Variants in COL4A3 observed in about 807,000 individuals in gnomAD.
COL4A3 encodes collagen type IV alpha 3 chain, also known as collagen alpha-3(IV) chain.
In COL4A3, 135 loss-of-function variants were observed where a neutral mutation model predicts 217.4. That is an observed-to-expected ratio of 0.62 (90% CI 0.54 to 0.72). The LOEUF is 0.72. Ranked by LOEUF, COL4A3 falls within the 30% of genes least tolerant of loss-of-function variation. The pLI, the probability that COL4A3 is intolerant of heterozygous loss-of-function variation, is 0.00. For synonymous variants in COL4A3, 690 were observed against 736.3 expected, an observed-to-expected ratio of 0.94 and a Z score of 1.02; for missense variants, 1,868 against 2,119.9, an observed-to-expected ratio of 0.88 and a Z score of 2.33.
chr2:227,206,033 C>T (rs1459684667), intron 1 of COL4A3, among the ~76,000 whole-genome samples: 1 of 152,052 alleles, frequency 6.6e-6, no homozygotes, highest in African/African-American at 2.4e-5. Flanking sequence ...TTCAACACGT[C>T]TGGGGTGTAG....
At chr2:227,231,032 A>G (rs1410365968) in intron 1 of COL4A3, among the ~76,000 whole-genome samples, 1 of 152,232 alleles carries the variant, frequency 6.6e-6, no homozygotes, top group Admixed American at 6.5e-5. Context: ...ACTGAGAATT[A>G]AAGCTGGAAT....
intron 4 of COL4A3, 127 bp downstream of exon 4, chr2:227,244,491 T>G: frequency 4.4e-6 from 4 of 906,250 alleles, no homozygotes; most frequent in Non-Finnish European, 7.1e-6. Context: ...CAGGTAATAC[T>G]AATCTGTAAT....
At position 227,244,326 on chromosome 2, in the gene COL4A3, C is replaced by A. The variant is rs765487317; in HGVS notation, c.241C>A (p.Pro81Thr). The part of the protein sequence containing the change: ...LPGPQGPKGF[P>T]GLPGLTGSKG... Reference sequence around the variant, plus strand: ...TTTTTTCACTTGAATCTAGGGCTTTCCAGGACTTCCAGGACTCACGGGTTC... The same window carrying A: ...TTTTTTCACTTGAATCTAGGGCTTTACAGGACTTCCAGGACTCACGGGTTC... Residue 81 changes from proline (P) to threonine (T), a missense_variant, in exon 4 of 52, where the codon CCA (proline) becomes ACA (threonine). Around this residue, in one of 2 missense-constraint regions of COL4A3, gnomAD observed 365 missense variants for 333.8 expected, o/e 1.09. Transcript: ENST00000396578. 5.6e-6 allele frequency: 9 copies of A among 1,613,840 alleles called. No individual in the cohort carries two copies. The South Asian group carries it at 9.9e-5, about 18-fold the overall frequency.
intron 34 of COL4A3, among the ~76,000 whole-genome samples, chr2:227,287,817 A>C (rs1054345958): frequency 4.6e-5 from 7 of 152,202 alleles, no homozygotes; most frequent in Non-Finnish European, 1.0e-4. Flanking sequence ...TTCCTGGATG[A>C]TAATTATTTG....
intron 30 of COL4A3, 101 bp from the exon 31 acceptor site, chr2:227,280,791 CT>C: frequency 9.5e-7 from 1 of 1,049,346 alleles, no homozygotes; most frequent in East Asian, 2.6e-5. Context: ...AAATATAGAT[CT>C]GATTTAGGTG....
chr2:227,308,037 C>T, intron 48 of COL4A3, 118 bp downstream of exon 48: 1 of 879,430 alleles, frequency 1.1e-6, no homozygotes, highest in East Asian at 2.6e-5. Flanking sequence ...TCTCCTGATA[C>T]ATTTTAAAGA....
intron 1 of COL4A3, among the ~76,000 whole-genome samples, chr2:227,179,759 T>G (rs1477939488): frequency 6.6e-6 from 1 of 152,242 alleles, no homozygotes; most frequent in Non-Finnish European, 1.5e-5. Flanking sequence ...ATGTGGTCCC[T>G]TCTGTCCTCA....
In COL4A3 at chr2:227,202,897, GTA is replaced by G. The variant is rs1213419075; in HGVS notation, c.88-35065_88-35064del. ...TATATATACATATGTGTATATATGTGTATATATGTGTATATATACATATATGT... is the reference window on the plus strand; with the variant it reads ...TATATATACATATGTGTATATATGTGTATATGTGTATATATACATATATGT... On this transcript the variant is annotated intron_variant, in intron 1 of 51. Coordinates refer to ENST00000396578, the MANE Select transcript of COL4A3 (RefSeq NM_000091.5). 1.5e-4 allele frequency among the ~76,000 whole-genome samples: 5 copies of G among 33,634 alleles called. 2 individuals are homozygous for G. Among genetic ancestry groups the G allele is most frequent in the Non-Finnish European group, 1.9e-4 (4 of 20,532 alleles). The allele number at this position is 33,634 out of a possible 152,430, so 22.1% of individuals were successfully genotyped here.
At chr2:227,286,283 G>A (rs1295285012) in intron 34 of COL4A3, among the ~76,000 whole-genome samples, 1 of 150,754 alleles carries the variant, frequency 6.6e-6, no homozygotes, top group African/African-American at 2.4e-5. Flanking sequence ...CCTGAGGTCA[G>A]GAGTTCGAGA....
Position 227,294,559 on chromosome 2 carries a change from G to C in COL4A3, c.3407G>C (p.Arg1136Thr). The change falls in exon 39 of 52, where the codon AGA becomes ACA. Residue 1136 changes from arginine to threonine, a missense_variant. Transcript: ENST00000396578. ...GGCCTCCTGGGCCCTCCAGGAATCA[G>C]AGGCCCTCCAGGTTTCATTTTTGTA... ...IKGLLGPPGI[R>T]GPPGLPGFPG... 4.3e-6 allele frequency: 7 copies of C among 1,611,416 alleles called. No individual in the cohort carries two copies. Among genetic ancestry groups the C allele is most frequent in the Non-Finnish European group, 5.9e-6 (7 of 1,177,536 alleles).
At position 227,282,356 on chromosome 2, in the gene COL4A3, C is replaced by G; in HGVS notation, c.2489-9C>G. 1.1e-5 allele frequency: 17 copies of G among 1,607,432 alleles called. No homozygotes were observed. The highest frequency in any genetic ancestry group is 1.4e-5 in the Non-Finnish European group (17 of 1,176,966). Reference sequence around the variant, plus strand: ...GGGTTAATTAATTCATTCATTTATTCGTACACAGGCAGAAGAGGTAAAACG... The same window carrying G: ...GGGTTAATTAATTCATTCATTTATTGGTACACAGGCAGAAGAGGTAAAACG... On this transcript the variant is annotated splice_polypyrimidine_tract_variant and intron_variant, in intron 31 of 51. Transcript: ENST00000396578. The surrounding 1 kb of genome is among the most constrained non-coding windows in gnomAD (Gnocchi z 4.4).
chr2:227,256,654 CATG>C, intron 17 of COL4A3: 1 of 649,680 alleles, frequency 1.5e-6, no homozygotes, highest in Non-Finnish European at 2.9e-6. Flanking sequence ...TGCAGCTTCC[CATG>C]AGGAAGAGGT....
At chr2:227,264,868 G>A (rs919716484) in intron 21 of COL4A3, 2 of 152,240 alleles carry the variant, frequency 1.3e-5, no homozygotes, top group Non-Finnish European at 2.9e-5. Flanking sequence ...CTCTGTGCCT[G>A]CTACACTCTG....
intron 19 of COL4A3, among the ~76,000 whole-genome samples, chr2:227,260,465 G>A (rs2070483341): frequency 6.6e-6 from 1 of 152,206 alleles, no homozygotes; most frequent in African/African-American, 2.4e-5. Flanking sequence ...CTGGACACTA[G>A]AAGATTGTAA....
In COL4A3 at chr2:227,191,191, A is replaced by C. The variant is rs1476190719; in HGVS notation, c.87+26378A>C. On this transcript the variant is annotated intron_variant, in intron 1 of 51. Transcript: ENST00000396578. This position sits in a 1 kb window ranked among gnomAD's most constrained non-coding sequence, Gnocchi z 6.8. The stretch of plus-strand genomic sequence containing the variant: ...TTTTGGATACTTGGGGAATAACAAA[A>C]TTTTTATTATTATAAGTAATACTGC... 6.6e-6 allele frequency among the ~76,000 whole-genome samples: 1 copy of C among 152,080 alleles called. No individual in the cohort carries two copies. The highest frequency in any genetic ancestry group is 1.5e-5 in the Non-Finnish European group (1 of 68,024).
intron 1 of COL4A3, among the ~76,000 whole-genome samples, chr2:227,210,814 C>T (rs905284332): frequency 3.3e-5 from 5 of 152,064 alleles, no homozygotes; most frequent in South Asian, 2.1e-4. Flanking sequence ...GCCGTGTCTC[C>T]CCATAAATAC....
At chr2:227,199,570 C>G (rs2066607332) in intron 1 of COL4A3, among the ~76,000 whole-genome samples, 1 of 152,190 alleles carries the variant, frequency 6.6e-6, no homozygotes, top group Admixed American at 6.5e-5. Context: ...CCCTGAAAGT[C>G]TTCAGCTTGA....
At chr2:227,258,883 T>C (rs114806038) in intron 18 of COL4A3, among the ~76,000 whole-genome samples, 1,833 of 152,280 alleles carry the variant, frequency 0.012, 27 homozygotes, top group African/African-American at 0.042. Context: ...ATGGTGGACA[T>C]TATTATGTTA....
intron 43 of COL4A3, 39 bp downstream of exon 43, chr2:227,298,851 A>C (rs750524398): frequency 6.4e-7 from 1 of 1,563,082 alleles, no homozygotes; most frequent in South Asian, 1.1e-5. Context: ...TATTAATTCA[A>C]TATCAACTTA....
Sources: gnomAD v4.1 joint callset for allele counts (sites outside exome capture counted in the v4.1 genomes callset) on GRCh38, gnomAD v4.1.1 for gene constraint, gnomAD v4.1.1 regional missense constraint, Gnocchi (gnomAD v3.1) non-coding constraint, MANE v1.5 for transcripts, NCBI Gene and HGNC (gene_info 2026-07-23, HGNC 2026-07-21) for gene names.